Variants in AASS observed in about 807,000 individuals in gnomAD.
AASS encodes the protein alpha-aminoadipic semialdehyde synthase, mitochondrial.
In AASS, 86 loss-of-function variants were observed where a neutral mutation model predicts 105.4. The observed-to-expected ratio is 0.82, with a 90% CI of 0.69 to 0.98. AASS has a LOEUF of 0.98. Ranked by LOEUF, AASS falls within the 50% of genes least tolerant of loss-of-function variation. AASS has a pLI of 0.00. For missense variants in AASS, 1,048 were observed against 1,143.2 expected (o/e 0.92, Z 1.20); for synonymous variants, 381 against 394.8 (o/e 0.96, Z 0.41).
chr7:122,081,619 T>G, intron 19 of AASS, 24 bp from the exon 20 acceptor site: 1 of 1,545,078 alleles, frequency 6.5e-7, no homozygotes, highest in Non-Finnish European at 8.9e-7. Flanking sequence ...TAATAAGCAG[T>G]ATATAAAATT....
At chr7:122,113,975 G>A (rs1292651307) in intron 9 of AASS, among the ~76,000 whole-genome samples, 1 of 149,148 alleles carries the variant, frequency 6.7e-6, no homozygotes, top group Non-Finnish European at 1.5e-5. Flanking sequence ...GGAAACAAAC[G>A]CAGAAAATTG....
rs57828681 is a variant in AASS at position 122,140,485 on chromosome 7, C to CAAAAAAAAAAAAAA, written c.-16+3662_-16+3675dup. 3.5e-3 allele frequency among the ~76,000 whole-genome samples: 129 copies of CAAAAAAAAAAAAAA among 37,264 alleles called. 1 individual carries two copies. Among genetic ancestry groups the CAAAAAAAAAAAAAA allele is most frequent in the East Asian group, 9.2e-3 (10 of 1,092 alleles). The allele number at this position is 37,264 out of a possible 152,430, so 24.4% of individuals were successfully genotyped here. A position where few individuals can be genotyped will look rare whatever the true frequency, so the allele number is the denominator to read the frequency against. ...TGGGCGACAGAGCGAGACTCAGTCTCAAAAAAAAAAAAAAAAAAAAAAAGA... is the reference window on the plus strand; with the variant it reads ...TGGGCGACAGAGCGAGACTCAGTCTCAAAAAAAAAAAAAAAAAAAAAAAAAAAAAAAAAAAAAGA... On this transcript the variant is annotated intron_variant, in intron 1 of 23. Coordinates refer to ENST00000417368, the MANE Select transcript of AASS (RefSeq NM_005763.4).
chr7:122,086,708 T>C (rs1288855697), intron 18 of AASS, among the ~76,000 whole-genome samples: 1 of 152,170 alleles, frequency 6.6e-6, no homozygotes, highest in Non-Finnish European at 1.5e-5. Context: ...CATTCTTTTC[T>C]TTTACTTTCA....
At chr7:122,088,875 A>G (rs1280160348) in intron 18 of AASS, among the ~76,000 whole-genome samples, 2 of 152,148 alleles carry the variant, frequency 1.3e-5, no homozygotes, top group African/African-American at 4.8e-5. Context: ...GGGGAATGAA[A>G]CTAAGAGAAG....
chr7:122,082,813 G>C, intron 19 of AASS: 1 of 1,289,296 alleles, frequency 7.8e-7, no homozygotes. Context: ...TGGTTCAAGG[G>C]GAAGGAGTTA....
In AASS at chr7:122,144,197, C is replaced by G. The variant is rs1172981773; in HGVS notation, c.-52G>C. On this transcript the variant is annotated 5_prime_UTR_variant, in exon 1 of 24. Coordinates refer to ENST00000417368, the MANE Select transcript of AASS (RefSeq NM_005763.4). ...TGGGGCGCCGACTTGTCCCCCGCCG[C>G]CTCGAATCTTCCGAGTCGCTGCAGG... The G allele has an allele frequency of 6.6e-6, 1 of 152,458 alleles. No homozygotes were observed. The highest frequency in any genetic ancestry group is 1.5e-5 in the Non-Finnish European group (1 of 68,222). The allele number at this position is 152,458 out of a possible 1,614,324, so 9.4% of individuals were successfully genotyped here. A position where few individuals can be genotyped will look rare whatever the true frequency, so the allele number is the denominator to read the frequency against.
At chr7:122,140,070 A>G (rs1420572000) in intron 1 of AASS, among the ~76,000 whole-genome samples, 5 of 152,212 alleles carry the variant, frequency 3.3e-5, no homozygotes, top group African/African-American at 1.2e-4. Context: ...CTTCCATCAA[A>G]TAGCTAAAAT....
chr7:122,098,351 C>A, intron 15 of AASS, 99 bp downstream of exon 15: 1 of 1,418,130 alleles, frequency 7.1e-7, no homozygotes, highest in Admixed American at 1.8e-5. Flanking sequence ...AAAAACTTTA[C>A]TCCAAAGGAG....
At chr7:122,115,338 A>T in intron 8 of AASS, 116 bp from the exon 9 acceptor site, 1 of 1,336,314 alleles carries the variant, frequency 7.5e-7, no homozygotes. Flanking sequence ...CTTCTAATTG[A>T]TTTTCTTATT....
chr7:122,076,991 C>T (rs1793044531), intron 23 of AASS, among the ~76,000 whole-genome samples: 1 of 152,046 alleles, frequency 6.6e-6, no homozygotes, highest in Admixed American at 6.6e-5. Flanking sequence ...TGAGTTGTAA[C>T]AGGTTTGATT....
intron 15 of AASS, among the ~76,000 whole-genome samples, chr7:122,098,076 G>A (rs1794251461): frequency 6.6e-6 from 1 of 151,890 alleles, no homozygotes; most frequent in Non-Finnish European, 1.5e-5. Flanking sequence ...AATGGAAGAA[G>A]GAAGCCACAA....
intron 19 of AASS, chr7:122,081,886 C>T (rs192031195): frequency 5.7e-6 from 2 of 350,146 alleles, no homozygotes; most frequent in East Asian, 6.3e-5. Flanking sequence ...CATAAAAGAC[C>T]TTGCAAAACT....
chr7:122,116,547 G>A (rs935020794), intron 8 of AASS, 86 bp downstream of exon 8: 1 of 1,551,850 alleles, frequency 6.4e-7, no homozygotes, highest in African/African-American at 1.4e-5. Flanking sequence ...GAAAGCCATT[G>A]TACAATTCAT....
intron 19 of AASS, chr7:122,082,903 C>T (rs1324106381): frequency 1.6e-6 from 2 of 1,252,302 alleles, no homozygotes; most frequent in African/African-American, 3.1e-5. Flanking sequence ...TAAAAGAGAA[C>T]AAATGGCTGG....
intron 1 of AASS, among the ~76,000 whole-genome samples, chr7:122,139,870 T>C (rs1328072596): frequency 6.6e-6 from 1 of 152,064 alleles, no homozygotes; most frequent in Non-Finnish European, 1.5e-5. Flanking sequence ...GAAAATCACT[T>C]GAGCCCAGGA....
At position 122,081,617 on chromosome 7, in the gene AASS, A is replaced by G. The variant is rs200806638; in HGVS notation, c.2185-22T>C. On this transcript the variant is annotated intron_variant, in intron 19 of 23. Coordinates refer to ENST00000417368, the MANE Select transcript of AASS (RefSeq NM_005763.4). Reference sequence around the variant, plus strand: ...ATCCCTGAAACAAGAATTAATAAGCAGTATATAAAATTTTTCTCTTCCAAT... The same window carrying G: ...ATCCCTGAAACAAGAATTAATAAGCGGTATATAAAATTTTTCTCTTCCAAT... 7.8e-5 allele frequency: 121 copies of G among 1,553,932 alleles called. No individual in the cohort carries two copies. The African/African-American group carries it at 1.6e-3, about 20-fold the overall frequency.
At chr7:122,143,112 A>T (rs1227890223) in intron 1 of AASS, among the ~76,000 whole-genome samples, 1 of 152,112 alleles carries the variant, frequency 6.6e-6, no homozygotes, top group Non-Finnish European at 1.5e-5. Context: ...AGGGGACAAA[A>T]CAGACAAACC....
chr7:122,098,395 A>G (rs965561125), intron 15 of AASS, 55 bp downstream of exon 15: 10 of 1,602,162 alleles, frequency 6.2e-6, no homozygotes, highest in Non-Finnish European at 8.5e-6. Flanking sequence ...AGAAAGAAAA[A>G]TGAGAAAAGA....
At chr7:122,123,058 G>A (rs1220482153) in intron 4 of AASS, among the ~76,000 whole-genome samples, 1 of 152,164 alleles carries the variant, frequency 6.6e-6, no homozygotes, top group East Asian at 1.9e-4. Flanking sequence ...CACTCTGGCT[G>A]ATGGGACAAA....
Sources: allele counts gnomAD v4.1 joint callset (sites outside exome capture counted in the v4.1 genomes callset), GRCh38; gene constraint gnomAD v4.1.1; transcripts MANE v1.5; gene names NCBI Gene and HGNC (gene_info 2026-07-23, HGNC 2026-07-21).